The following NTRK3 variants were observed in gnomAD, a reference collection of about 807,000 sequenced individuals.
NTRK3 encodes neurotrophic receptor tyrosine kinase 3, also known as NT-3 growth factor receptor.
NTRK3 carries 24 observed loss-of-function variants against 91.7 expected under a neutral mutation model. The observed-to-expected ratio is 0.26, with a 90% CI of 0.19 to 0.37. NTRK3 has a LOEUF of 0.37. NTRK3 is among the 10% of genes least tolerant of loss of function. The pLI is 1.00. For missense variants in NTRK3, 880 were observed against 1,068.9 expected (o/e 0.82, Z 2.46); for synonymous variants, 483 against 404.0 (o/e 1.20, Z -2.34).
chr15:87,947,066 A>G (rs1283365530), intron 14 of NTRK3, among the ~76,000 whole-genome samples: 1 of 151,788 alleles, frequency 6.6e-6, no homozygotes, highest in African/African-American at 2.4e-5. Flanking sequence ...TTTAGTAGAG[A>G]TGGCATTTCA....
At chr15:88,254,230 C>T (rs1232011055) in intron 3 of NTRK3, among the ~76,000 whole-genome samples, 1 of 152,158 alleles carries the variant, frequency 6.6e-6, no homozygotes, top group Non-Finnish European at 1.5e-5. Context: ...CACATACAGC[C>T]CCAGCAATGC....
chr15:88,200,709 C>G (rs761232093), intron 3 of NTRK3, among the ~76,000 whole-genome samples: 3 of 152,190 alleles, frequency 2.0e-5, no homozygotes, highest in Non-Finnish European at 4.4e-5. Flanking sequence ...AACTGTGGGT[C>G]AATTAAACCT....
At chr15:88,061,363 C>A (rs554828106) in intron 13 of NTRK3, among the ~76,000 whole-genome samples, 1 of 152,344 alleles carries the variant, frequency 6.6e-6, no homozygotes, top group East Asian at 1.9e-4. Flanking sequence ...ACTCCCGCCA[C>A]TAAATGAATT....
intron 17 of NTRK3, among the ~76,000 whole-genome samples, chr15:87,919,941 C>G (rs1412260137): frequency 6.6e-6 from 1 of 152,130 alleles, no homozygotes; most frequent in African/African-American, 2.4e-5. Flanking sequence ...GCCATGTCCC[C>G]CTCCTATCCT....
intron 5 of NTRK3, among the ~76,000 whole-genome samples, chr15:88,166,734 G>C (rs1196045325): frequency 1.3e-5 from 2 of 152,200 alleles, no homozygotes; most frequent in Non-Finnish European, 2.9e-5. Context: ...AAGAACATGA[G>C]CTCTGGACCA....
chr15:87,890,747 C>G (rs1291399116), intron 17 of NTRK3, among the ~76,000 whole-genome samples: 1 of 152,158 alleles, frequency 6.6e-6, no homozygotes, highest in Non-Finnish European at 1.5e-5. Flanking sequence ...TGCTTTCTGA[C>G]ATAAAATAAT....
chr15:87,952,482 C>A (rs1299008812), intron 14 of NTRK3, among the ~76,000 whole-genome samples: 1 of 152,096 alleles, frequency 6.6e-6, no homozygotes, highest in African/African-American at 2.4e-5. Context: ...TGGTGATCAG[C>A]CTCTCTGCGA....
chr15:88,080,333 G>A lies in NTRK3; in HGVS notation c.1396+45938C>T, dbSNP rs1429021218. Among the ~76,000 whole-genome samples the A allele has an allele frequency of 2.6e-5, 4 of 152,256 alleles. No individual in the cohort carries two copies. The East Asian group carries it at 7.7e-4, about 29-fold the overall frequency. On this transcript the variant is annotated intron_variant, in intron 13 of 18. Transcript: ENST00000394480. ...TGTACCAATTTAATTCCCTATAGCA[G>A]GGGAATGAGAGCCCCCTTTTCTCTA...
chr15:87,895,013 G>A (rs948766153), intron 17 of NTRK3, among the ~76,000 whole-genome samples: 7 of 152,092 alleles, frequency 4.6e-5, no homozygotes, highest in African/African-American at 7.2e-5. Context: ...TGGGGGTGGG[G>A]AGCAGCCCTA....
Position 87,911,920 on chromosome 15 carries a change from GTCAA to G in NTRK3, c.2133+17267_2133+17270del, listed in dbSNP as rs2067108684. ...TCTAAGCTACTGTGAATGATTATGT[GTCAA>G]TCAAAGTTCTTGAGAATACATTTTC... On this transcript the variant is annotated intron_variant, in intron 17 of 18. Coordinates refer to ENST00000394480, the Ensembl canonical transcript of NTRK3. 3.3e-5 allele frequency among the ~76,000 whole-genome samples: 5 copies of G among 152,294 alleles called. No homozygotes were observed. In the South Asian group the frequency reaches 1.0e-3, roughly 32 times the overall value.
chr15:88,215,777 T>A (rs573942526), intron 3 of NTRK3, among the ~76,000 whole-genome samples: 70 of 152,338 alleles, frequency 4.6e-4, no homozygotes, highest in African/African-American at 1.7e-3. Flanking sequence ...GTAACATCTA[T>A]ATATACTTTT....
chr15:88,103,193 A>G (rs2150895334), intron 13 of NTRK3, among the ~76,000 whole-genome samples: 1 of 152,344 alleles, frequency 6.6e-6, no homozygotes, highest in Admixed American at 6.5e-5. Flanking sequence ...GGTATTTTAT[A>G]CATGTGATTA....
intron 3 of NTRK3, among the ~76,000 whole-genome samples, chr15:88,236,950 G>T (rs1161747601): frequency 6.6e-6 from 1 of 152,148 alleles, no homozygotes; most frequent in African/African-American, 2.4e-5. Context: ...GGTCCCACAG[G>T]CGTGCGCATC....
chr15:87,862,173 T>A (rs2064546314), exon 19 of NTRK3: 1 of 220,340 alleles, frequency 4.5e-6, no homozygotes, highest in Non-Finnish European at 9.1e-6. Context: ...TGGCCTTTTT[T>A]GCAGGGCAAG....
chr15:88,084,085 C>T (rs1313208230), intron 13 of NTRK3, among the ~76,000 whole-genome samples: 1 of 144,872 alleles, frequency 6.9e-6, no homozygotes, highest in Non-Finnish European at 1.5e-5. Flanking sequence ...TGTCCAAGTG[C>T]CTTTTTTTTT....
At chr15:88,018,196 T>C (rs1405981004) in intron 14 of NTRK3, among the ~76,000 whole-genome samples, 2 of 152,206 alleles carry the variant, frequency 1.3e-5, no homozygotes, top group African/African-American at 4.8e-5. Context: ...GCCTGCCTCA[T>C]GGGGATCTGA....
At chr15:88,087,278 T>C (rs1486766853) in intron 13 of NTRK3, among the ~76,000 whole-genome samples, 2 of 152,114 alleles carry the variant, frequency 1.3e-5, no homozygotes, top group Non-Finnish European at 2.9e-5. Flanking sequence ...AGGGGCTCCA[T>C]GGAGGACAAT....
At chr15:88,100,106 G>GCTCACTC (rs1215984573) in intron 13 of NTRK3, among the ~76,000 whole-genome samples, 1 of 152,128 alleles carries the variant, frequency 6.6e-6, no homozygotes. Context: ...ATTCCTTGAA[G>GCTCACTC]CTCACTCCTC....
At chr15:88,207,611 T>C (rs567141587) in intron 3 of NTRK3, among the ~76,000 whole-genome samples, 1 of 152,304 alleles carries the variant, frequency 6.6e-6, no homozygotes, top group South Asian at 2.1e-4. Flanking sequence ...ATATCCTGCC[T>C]CTTCTTTGTC....
Sources: gnomAD v4.1 joint callset for allele counts (sites outside exome capture counted in the v4.1 genomes callset) on GRCh38, gnomAD v4.1.1 for gene constraint, MANE v1.5 for transcripts, NCBI Gene and HGNC (gene_info 2026-07-23, HGNC 2026-07-21) for gene names.